Variants in PCDHGA1 observed in about 807,000 individuals in gnomAD.
PCDHGA1 encodes the protein protocadherin gamma subfamily A, 1.
PCDHGA1 carries 32 observed loss-of-function variants against 58.0 expected under a neutral mutation model. That is an observed-to-expected ratio of 0.55 (90% CI 0.42 to 0.74). The LOEUF is 0.74. PCDHGA1 is among the 30% of genes least tolerant of loss of function. The pLI, the probability that PCDHGA1 is intolerant of heterozygous loss-of-function variation, is 0.00. For synonymous variants in PCDHGA1, 498 were observed against 501.1 expected, an observed-to-expected ratio of 0.99 and a Z score of 0.08; for missense variants, 1,205 against 1,182.3, an observed-to-expected ratio of 1.02 and a Z score of -0.28.
intron 1 of PCDHGA1, chr5:141,478,117 C>G (rs1419172538): frequency 1.3e-5 from 21 of 1,614,058 alleles, no homozygotes; most frequent in Non-Finnish European, 1.7e-5. Context: ...TGTCAGTAAC[C>G]GAGGACTCTC....
At position 141,362,271 on chromosome 5, in the gene PCDHGA1, C is replaced by A. The variant is rs183808051; in HGVS notation, c.2421+29166C>A. On this transcript the variant is annotated intron_variant, in intron 1 of 3. Coordinates refer to ENST00000517417, the MANE Select transcript of PCDHGA1 (RefSeq NM_018912.3). Reference sequence around the variant, plus strand: ...TCCTCGCGGTGATTCTGGCAATCTCCCTGCGCCTGCGACTCTCTTCCAGGT... The same window carrying A: ...TCCTCGCGGTGATTCTGGCAATCTCACTGCGCCTGCGACTCTCTTCCAGGT... 9.6e-4 allele frequency: 1,557 copies of A among 1,614,030 alleles called. 12 individuals carry two copies. The African/African-American group carries it at 0.01, about 10-fold the overall frequency.
rs934816631 is a variant in PCDHGA1, at chr5:141,378,863, G to A, written c.2421+45758G>A. 6 of 152,136 alleles carry A rather than the reference G, an allele frequency of 3.9e-5. No individual in the cohort carries two copies. The East Asian group carries it at 7.7e-4, about 20-fold the overall frequency. The allele number at this position is 152,136 out of a possible 1,614,324, so 9.4% of individuals were successfully genotyped here. ...GAGTTTTTGACTGTCAATGATGTTC[G>A]AATAGAAAATGGATCACTAAGGAGA... On this transcript the variant is annotated intron_variant, in intron 1 of 3. Transcript: ENST00000517417.
chr5:141,381,143 G>A (rs1277267624), intron 1 of PCDHGA1, among the ~76,000 whole-genome samples: 1 of 152,184 alleles, frequency 6.6e-6, no homozygotes, highest in Non-Finnish European at 1.5e-5. Flanking sequence ...CCACCAGAAA[G>A]CAGAAATAGG....
intron 1 of PCDHGA1, among the ~76,000 whole-genome samples, chr5:141,481,743 G>C (rs1257734207): frequency 1.3e-5 from 2 of 152,096 alleles, no homozygotes; most frequent in Non-Finnish European, 2.9e-5. Context: ...CACGAGGTCA[G>C]GAGTCCAAGA....
rs563057370 is a variant in PCDHGA1 at position 141,491,297 on chromosome 5, A to G, written c.2422-3510A>G. 1.2e-6 allele frequency: 2 copies of G among 1,614,106 alleles called. No homozygotes were observed. Among genetic ancestry groups the G allele is most frequent in the African/African-American group, 2.7e-5 (2 of 75,038 alleles). On this transcript the variant is annotated intron_variant, in intron 1 of 3. Transcript: ENST00000517417. This position sits in a 1 kb window ranked among gnomAD's most constrained non-coding sequence, Gnocchi z 6.9. The stretch of plus-strand genomic sequence containing the variant: ...AGTGACTTCCTCATACACCCTCCTG[A>G]GCGTTCAGACCTTACCCTTTACCTC...
chr5:141,412,559 G>C (rs1408913988), intron 1 of PCDHGA1: 2 of 152,100 alleles, frequency 1.3e-5, no homozygotes, highest in African/African-American at 4.8e-5. Context: ...TATCTCATGA[G>C]TTTATTTAAT....
In PCDHGA1 at chr5:141,346,356, T is replaced by C. The variant is rs147497475; in HGVS notation, c.2421+13251T>C. On this transcript the variant is annotated intron_variant, in intron 1 of 3. Coordinates refer to ENST00000517417, the MANE Select transcript of PCDHGA1 (RefSeq NM_018912.3). The stretch of plus-strand genomic sequence containing the variant: ...CCACCTGATTTTCCCCCAGCCCAAC[T>C]ATGCGGACACGCTCATCAGCCAGGA... 413 of 1,614,176 alleles carry C rather than the reference T, an allele frequency of 2.6e-4. 2 individuals carry two copies. In the African/African-American group the frequency reaches 4.6e-3, roughly 18 times the overall value.
Position 141,431,530 on chromosome 5 carries a change from G to A in PCDHGA1, c.2422-63277G>A. On this transcript the variant is annotated intron_variant, in intron 1 of 3. Transcript: ENST00000517417. The surrounding 1 kb of genome is among the most constrained non-coding windows in gnomAD (Gnocchi z 4.8). ...CGAGCGTTCCGGAGAATCTGGCCTT[G>A]GGCACGCAGCTGCTTGTAGTCAACG... 3 of 1,614,072 alleles carry A rather than the reference G, an allele frequency of 1.9e-6. No homozygotes were observed. In the South Asian group the frequency reaches 3.3e-5, roughly 18 times the overall value.
At chr5:141,398,916 A>G (rs2150766485) in intron 1 of PCDHGA1, 1 of 1,614,022 alleles carries the variant, frequency 6.2e-7, no homozygotes, top group Non-Finnish European at 8.5e-7. Context: ...CTGTGTTGCA[A>G]GTGTCAGCCA....
In PCDHGA1 at chr5:141,477,844, G is replaced by A. The variant is rs748180474; in HGVS notation, c.2422-16963G>A. On this transcript the variant is annotated intron_variant, in intron 1 of 3. Coordinates refer to ENST00000517417, the MANE Select transcript of PCDHGA1 (RefSeq NM_018912.3). This position sits in a 1 kb window ranked among gnomAD's most constrained non-coding sequence, Gnocchi z 4.9. ...TATATCCTCGGCCAGGTGGGAGCTC[G>A]GTGGAGATGCTGCCTCGAGGTACCT... The A allele has an allele frequency of 6.2e-7, 1 of 1,613,394 alleles. No individual in the cohort carries two copies.
rs951185891 is a variant in PCDHGA1, at chr5:141,494,814, C to T, written c.2429C>T (p.Pro810Leu). 7 of 1,614,152 alleles carry T rather than the reference C, an allele frequency of 4.3e-6. No individual in the cohort carries two copies. The highest frequency in any genetic ancestry group is 1.7e-5 in the Admixed American group (1 of 60,024). Residue 810 changes from proline to leucine, a missense_variant, in exon 2 of 4, where the codon CCG becomes CTG. By Grantham distance (98) the Pro-to-Leu change is moderately conservative (BLOSUM62 -3). Transcript: ENST00000517417. The part of the protein sequence containing the change: ...DKKEPFSQQA[P>L]PNTDWRFSQA... ...CCTCTGTTTTCTCCACAGCAAGCCCCGCCCAACACGGACTGGCGTTTCTCT... is the reference window on the plus strand; with the variant it reads ...CCTCTGTTTTCTCCACAGCAAGCCCTGCCCAACACGGACTGGCGTTTCTCT...
chr5:141,485,786 C>A lies in PCDHGA1; in HGVS notation c.2422-9021C>A. On this transcript the variant is annotated intron_variant, in intron 1 of 3. Transcript: ENST00000517417. This position sits in a 1 kb window ranked among gnomAD's most constrained non-coding sequence, Gnocchi z 5.7. ...GGAGAAGCCTTTGGATCGAGAGAAG[C>A]AATCGGACTACCGCCTGGTGCTGAC... 1 of 1,614,208 alleles carries A rather than the reference C, an allele frequency of 6.2e-7. No individual in the cohort carries two copies. The highest frequency in any genetic ancestry group is 1.3e-5 in the African/African-American group (1 of 75,062).
At chr5:141,357,835 A>G in intron 1 of PCDHGA1, 1 of 654,218 alleles carries the variant, frequency 1.5e-6, no homozygotes, top group South Asian at 2.1e-5. Context: ...GTCTTCATTC[A>G]GTTGTAGTTT....
At chr5:141,408,702 T>C (rs769871063) in intron 1 of PCDHGA1, 6 of 1,613,208 alleles carry the variant, frequency 3.7e-6, no homozygotes, top group South Asian at 3.3e-5. Flanking sequence ...ATAAACTCAA[T>C]TAAAGATTAT....
chr5:141,510,817 T>C, intron 3 of PCDHGA1, 130 bp from the exon 4 acceptor site: 2 of 1,551,592 alleles, frequency 1.3e-6, no homozygotes, highest in African/African-American at 2.7e-5. Flanking sequence ...GTGACCCCTA[T>C]ATTCCCAGTG....
chr5:141,478,092 C>T (rs2099429960), intron 1 of PCDHGA1: 1 of 1,614,156 alleles, frequency 6.2e-7, no homozygotes, highest in Non-Finnish European at 8.5e-7. Flanking sequence ...CTCTCCACCA[C>T]TGCTACCCTC....
rs1208690061 is a variant in PCDHGA1 at position 141,362,188 on chromosome 5, C to G, written c.2421+29083C>G. The G allele has an allele frequency of 1.4e-5, 22 of 1,613,936 alleles. No homozygotes were observed. The East Asian group carries it at 4.9e-4, about 36-fold the overall frequency. ...CGACCGCCGGGAGCCCTCTGACCCC[C>G]AGGCAAAACTGCAGTTTTACCTGGT... is the stretch of plus-strand genomic sequence containing the variant. On this transcript the variant is annotated intron_variant, in intron 1 of 3. Transcript: ENST00000517417.
At chr5:141,425,827 T>C (rs2096896512) in intron 1 of PCDHGA1, among the ~76,000 whole-genome samples, 1 of 152,226 alleles carries the variant, frequency 6.6e-6, no homozygotes, top group South Asian at 2.1e-4. Context: ...AAACAAACTT[T>C]TAAATTCTCT....
chr5:141,393,155 A>G (rs1158641344), intron 1 of PCDHGA1: 1 of 1,613,328 alleles, frequency 6.2e-7, no homozygotes, highest in Non-Finnish European at 8.5e-7. Flanking sequence ...AGGATAAAGG[A>G]AAACTCTTTG....
Sources: allele counts gnomAD v4.1 joint callset (sites outside exome capture counted in the v4.1 genomes callset), GRCh38; gene constraint gnomAD v4.1.1; non-coding constraint Gnocchi (gnomAD v3.1); transcripts MANE v1.5; gene names NCBI Gene and HGNC (gene_info 2026-07-23, HGNC 2026-07-21).